The following MRPS6 variants were observed in gnomAD, a reference collection of about 807,000 sequenced individuals.
The protein encoded by MRPS6 is small ribosomal subunit protein bS6m.
MRPS6 carries 6 observed loss-of-function variants against 13.1 expected under a neutral mutation model. The ratio of observed to expected loss-of-function variants is 0.46; its 90% CI spans 0.25 to 0.91. The LOEUF is 0.91. Among genes scored for constraint, MRPS6 ranks in the 40% least tolerant of loss-of-function variants. MRPS6 has a pLI of 0.18. For synonymous variants in MRPS6, 61 were observed against 56.5 expected (o/e 1.08, Z -0.36); for missense variants, 164 against 155.6 (o/e 1.05, Z -0.29).
chr21:34,096,269 G>C lies in MRPS6; in HGVS notation c.45+22524G>C, dbSNP rs146501421. 5 of 1,614,152 alleles carry C rather than the reference G, an allele frequency of 3.1e-6. No homozygotes were observed. In the East Asian group the frequency reaches 1.1e-4, roughly 36 times the overall value. On this transcript the variant is annotated intron_variant, in intron 1 of 2. Transcript: ENST00000399312. The surrounding 1 kb of genome is among the most constrained non-coding windows in gnomAD (Gnocchi z 5.9). ...TTGCTTACCCACGCCTGGTGATGAA[G>C]CTGGTTCCTGTGGGCCTTCGGGGTT...
At chr21:34,125,547 C>T (rs998399846) in intron 2 of MRPS6, 67 bp downstream of exon 2, 9 of 1,563,408 alleles carry the variant, frequency 5.8e-6, no homozygotes, top group African/African-American at 1.4e-5. Context: ...TGTTCAATTA[C>T]TATTAGAAGT....
intron 2 of MRPS6, among the ~76,000 whole-genome samples, chr21:34,139,868 G>A (rs962066320): frequency 1.3e-5 from 2 of 152,122 alleles, no homozygotes; most frequent in Admixed American, 6.5e-5. Context: ...GTGAGCCCCA[G>A]CGCCTGACCT....
chr21:34,141,393 G>A (rs1360408598), intron 2 of MRPS6, among the ~76,000 whole-genome samples: 1 of 152,164 alleles, frequency 6.6e-6, no homozygotes, highest in Non-Finnish European at 1.5e-5. Flanking sequence ...GGCACAGAAG[G>A]TCTCTCTGAG....
chr21:34,120,684 A>G (rs552420060), intron 1 of MRPS6, among the ~76,000 whole-genome samples: 1 of 152,314 alleles, frequency 6.6e-6, no homozygotes, highest in East Asian at 1.9e-4. Context: ...TGTAATTTTA[A>G]CATTTATATT....
chr21:34,105,145 C>G (rs903948698), intron 1 of MRPS6: 1 of 999,888 alleles, frequency 1.0e-6, no homozygotes, highest in African/African-American at 1.7e-5. Flanking sequence ...GGAATTTGTT[C>G]CCTTGCTTTC....
At chr21:34,109,387 G>A (rs778179248) in intron 1 of MRPS6, among the ~76,000 whole-genome samples, 7 of 152,174 alleles carry the variant, frequency 4.6e-5, no homozygotes, top group Non-Finnish European at 1.0e-4. Context: ...AATAAGTCAA[G>A]CTTTCCAAAG....
rs1405397956 is a variant in MRPS6 at position 34,073,678 on chromosome 21, C to T, written c.-23C>T. 1.3e-6 allele frequency: 2 copies of T among 1,515,160 alleles called. No homozygotes were observed. The highest frequency in any genetic ancestry group is 1.9e-5 in the Admixed American group (1 of 53,992). The allele number at this position is 1,515,160 out of a possible 1,614,324, so 93.9% of individuals were successfully genotyped here. A position where few individuals can be genotyped will look rare whatever the true frequency, so the allele number is the denominator to read the frequency against. On this transcript the variant is annotated 5_prime_UTR_variant, in exon 1 of 3. Transcript: ENST00000399312. ...TCCCGGGAACCGGCTGGCTTCCGAG[C>T]CGCACTCGCCGATCCTCCAGGCATG...
intron 1 of MRPS6, among the ~76,000 whole-genome samples, chr21:34,074,158 G>C (rs1989262261): frequency 6.7e-6 from 1 of 148,738 alleles, no homozygotes; most frequent in Non-Finnish European, 1.5e-5. Context: ...CTCGTCGCCG[G>C]CCCCGCCGCC....
rs1980773284 is a variant in MRPS6 at position 34,138,155 on chromosome 21, G to T, written c.186-4253G>T. Among the ~76,000 whole-genome samples the T allele has an allele frequency of 2.0e-5, 3 of 151,358 alleles. No individual in the cohort carries two copies. The South Asian group carries it at 6.3e-4, about 32-fold the overall frequency. On this transcript the variant is annotated intron_variant, in intron 2 of 2. Transcript: ENST00000399312. ...TCTCGGTGAATTTGTATCAGAATTG[G>T]TATTTTTGTCAGATGAGTAGGTTGC...
chr21:34,141,311 A>G (rs926851625), intron 2 of MRPS6, among the ~76,000 whole-genome samples: 2 of 152,226 alleles, frequency 1.3e-5, no homozygotes, highest in Non-Finnish European at 2.9e-5. Flanking sequence ...GGAACAAAAC[A>G]AAGCCTTGAG....
intron 2 of MRPS6, among the ~76,000 whole-genome samples, chr21:34,128,998 G>A (rs751603629): frequency 5.3e-5 from 8 of 152,166 alleles, no homozygotes; most frequent in Non-Finnish European, 1.2e-4. Context: ...TCAGGTCCCC[G>A]AGATTACCTC....
intron 1 of MRPS6, among the ~76,000 whole-genome samples, chr21:34,091,303 G>C (rs1213208683): frequency 6.6e-6 from 1 of 152,174 alleles, no homozygotes; most frequent in Non-Finnish European, 1.5e-5. Context: ...GAAGCCCTGA[G>C]TATAGGAGAT....
chr21:34,125,454 C>G lies in MRPS6; in HGVS notation c.159C>G (p.Ala53=). The change falls in exon 2 of 3, where the codon GCC becomes GCG. Residue 53 remains alanine, a synonymous_variant. Transcript: ENST00000399312. ...GERALPYRIS[A]HSQQHNRGGY... is the part of the protein sequence containing the mutation. Reference sequence around the variant, plus strand: ...GAGCGCTTCCTTATAGGATCTCTGCCCACAGTCAGCAGCACAACAGAGGCG... The same window carrying G: ...GAGCGCTTCCTTATAGGATCTCTGCGCACAGTCAGCAGCACAACAGAGGCG... 6.2e-7 allele frequency: 1 copy of G among 1,614,012 alleles called. No homozygotes were observed. Among genetic ancestry groups the G allele is most frequent in the Non-Finnish European group, 8.5e-7 (1 of 1,179,926 alleles).
chr21:34,121,995 C>G (rs757119659), intron 1 of MRPS6, among the ~76,000 whole-genome samples: 1 of 152,130 alleles, frequency 6.6e-6, no homozygotes, highest in Admixed American at 6.6e-5. Context: ...GATGACACAT[C>G]CAGTGAGGAA....
Position 34,074,583 on chromosome 21 carries a change from C to T in MRPS6, c.45+838C>T, listed in dbSNP as rs376809076. 6.4e-4 allele frequency among the ~76,000 whole-genome samples: 98 copies of T among 152,350 alleles called. No individual in the cohort carries two copies. The South Asian group carries it at 0.019, about 30-fold the overall frequency. ...GCGGCCCGGAGGCAGCTCACTTCGT[C>T]CTCTGTCCTGGGTCATGTACTCCTC... On this transcript the variant is annotated intron_variant, in intron 1 of 2. Coordinates refer to ENST00000399312, the MANE Select transcript of MRPS6 (RefSeq NM_032476.4).
intron 1 of MRPS6, among the ~76,000 whole-genome samples, chr21:34,075,483 G>A (rs1989305640): frequency 6.6e-6 from 1 of 152,036 alleles, no homozygotes; most frequent in Non-Finnish European, 1.5e-5. Flanking sequence ...GATCAACAGA[G>A]CGTAATTTGG....
At chr21:34,124,434 C>T (rs779408105) in intron 1 of MRPS6, 9 of 151,720 alleles carry the variant, frequency 5.9e-5, no homozygotes, top group Admixed American at 2.0e-4. Context: ...GAAAGAAATT[C>T]ACCAGAAAGT....
chr21:34,084,733 T>C (rs767861987), intron 1 of MRPS6, among the ~76,000 whole-genome samples: 1 of 152,180 alleles, frequency 6.6e-6, no homozygotes, highest in Non-Finnish European at 1.5e-5. Flanking sequence ...AATTTTGTAT[T>C]GTACCTATCA....
At chr21:34,142,290 G>T (rs907669437) in intron 2 of MRPS6, 118 bp from the exon 3 acceptor site, 4 of 1,074,174 alleles carry the variant, frequency 3.7e-6, no homozygotes, top group Non-Finnish European at 5.1e-6. Flanking sequence ...GTGTGTGTAT[G>T]TGTGTGTTTG....
Sources: allele counts gnomAD v4.1 joint callset (sites outside exome capture counted in the v4.1 genomes callset), GRCh38; gene constraint gnomAD v4.1.1; non-coding constraint Gnocchi (gnomAD v3.1); transcripts MANE v1.5; gene names NCBI Gene and HGNC (gene_info 2026-07-23, HGNC 2026-07-21).